Variants in IRAK2 observed in about 807,000 individuals in gnomAD.
The protein encoded by IRAK2 is interleukin 1 receptor associated kinase 2, also known as interleukin-1 receptor-associated kinase-like 2.
A neutral mutation model predicts 72.0 loss-of-function variants in IRAK2; 57 were observed. The ratio of observed to expected loss-of-function variants is 0.79; its 90% CI spans 0.64 to 0.99. The LOEUF (loss-of-function observed/expected upper bound fraction) is 0.99, where lower values mean the gene tolerates loss of function less well. Among genes scored for constraint, IRAK2 ranks in the 50% least tolerant of loss-of-function variants. The pLI is 0.00. For synonymous variants in IRAK2, 293 were observed against 312.7 expected (o/e 0.94, Z 0.67); for missense variants, 790 against 794.4 (o/e 0.99, Z 0.07).
At position 10,178,063 on chromosome 3, in the gene IRAK2, C is replaced by T. The variant is rs1696906121; in HGVS notation, c.277+43C>T. ...CTCCTTGAGTGGGGCCCATCACGCT[C>T]CTGAGCAGTTTCCATCCGTGTGAGT... On this transcript the variant is annotated intron_variant, in intron 2 of 12. Coordinates refer to ENST00000256458, the MANE Select transcript of IRAK2 (RefSeq NM_001570.4). 3 of 1,492,264 alleles carry T rather than the reference C, an allele frequency of 2.0e-6. No homozygotes were observed. The East Asian group carries it at 6.8e-5, about 34-fold the overall frequency. The allele number at this position is 1,492,264 out of a possible 1,614,324, so 92.4% of individuals were successfully genotyped here.
chr3:10,213,656 C>A, intron 6 of IRAK2, 108 bp downstream of exon 6: 1 of 803,640 alleles, frequency 1.2e-6, no homozygotes, highest in Non-Finnish European at 2.1e-6. Context: ...TCATTTAGTC[C>A]TTACAAGAAC....
intron 8 of IRAK2, among the ~76,000 whole-genome samples, chr3:10,222,385 C>T (rs1370447550): frequency 3.9e-5 from 6 of 152,070 alleles, no homozygotes; most frequent in Non-Finnish European, 8.8e-5. Flanking sequence ...ATCAGGGAGG[C>T]TGCACTTTGG....
intron 2 of IRAK2, among the ~76,000 whole-genome samples, chr3:10,182,314 ACT>A (rs1429531119): frequency 9.7e-6 from 1 of 103,110 alleles, no homozygotes; most frequent in African/African-American, 3.8e-5. Context: ...ACAGAGTCTC[ACT>A]CTGTCGCCCA....
In IRAK2 at chr3:10,165,059, C is replaced by T; in HGVS notation, c.94+11C>T. On this transcript the variant is annotated intron_variant, in intron 1 of 12. Coordinates refer to ENST00000256458, the MANE Select transcript of IRAK2 (RefSeq NM_001570.4). Reference sequence around the variant, plus strand: ...ACTGGATGGAGTTCGGTGAGTGCGGCCCGGGGAGGGGAGGGGACCAGGGCG... The same window carrying T: ...ACTGGATGGAGTTCGGTGAGTGCGGTCCGGGGAGGGGAGGGGACCAGGGCG... 1 of 1,605,700 alleles carries T rather than the reference C, an allele frequency of 6.2e-7. No homozygotes were observed. The highest frequency in any genetic ancestry group is 8.5e-7 in the Non-Finnish European group (1 of 1,176,546).
At chr3:10,227,357 A>C (rs1248772661) in intron 10 of IRAK2, among the ~76,000 whole-genome samples, 1 of 152,052 alleles carries the variant, frequency 6.6e-6, no homozygotes. Flanking sequence ...CTGAGGCAGG[A>C]GAATCGCTTG....
At chr3:10,199,974 G>A (rs1032528791) in intron 2 of IRAK2, among the ~76,000 whole-genome samples, 3 of 146,742 alleles carry the variant, frequency 2.0e-5, no homozygotes, top group South Asian at 2.1e-4. Context: ...TGCAAGCTCC[G>A]CCTCCCCGGT....
chr3:10,203,032 T>C (rs1481544052), intron 3 of IRAK2, among the ~76,000 whole-genome samples: 2 of 151,974 alleles, frequency 1.3e-5, no homozygotes, highest in Admixed American at 6.6e-5. Flanking sequence ...ATGGAATCTC[T>C]GTCACCCAGG....
chr3:10,237,929 C>CTG (rs138639711), intron 11 of IRAK2, among the ~76,000 whole-genome samples: 25,773 of 138,118 alleles, frequency 0.19, 2,827 homozygotes, highest in East Asian at 0.51. Flanking sequence ...TATGTGTGCT[C>CTG]TGTGTGTGTG....
intron 2 of IRAK2, among the ~76,000 whole-genome samples, chr3:10,185,922 T>G (rs553000500): frequency 1.3e-5 from 2 of 151,286 alleles, no homozygotes; most frequent in African/African-American, 2.5e-5. Context: ...GAGGTGGCGG[T>G]GGGCACGTGT....
At chr3:10,172,059 A>T (rs1167721760) in intron 1 of IRAK2, among the ~76,000 whole-genome samples, 3 of 151,900 alleles carry the variant, frequency 2.0e-5, no homozygotes, top group Admixed American at 2.0e-4. Flanking sequence ...AACATGGTGA[A>T]ACTCTGTCCC....
intron 8 of IRAK2, among the ~76,000 whole-genome samples, chr3:10,221,552 CA>C (rs1228365823): frequency 7.3e-5 from 11 of 151,222 alleles, no homozygotes; most frequent in South Asian, 4.2e-4. Context: ...CGCGCCTGGC[CA>C]AAAAAAATTT....
chr3:10,215,982 A>G (rs1351700360), intron 6 of IRAK2, among the ~76,000 whole-genome samples: 2 of 152,100 alleles, frequency 1.3e-5, no homozygotes, highest in Non-Finnish European at 1.5e-5. Flanking sequence ...CAGTGGGGAG[A>G]CTGACATGTA....
intron 1 of IRAK2, among the ~76,000 whole-genome samples, chr3:10,174,240 G>A (rs1230591767): frequency 6.6e-6 from 1 of 152,158 alleles, no homozygotes; most frequent in Non-Finnish European, 1.5e-5. Flanking sequence ...GACTAACATA[G>A]CAATTTAGGA....
chr3:10,185,558 CAAAAA>C (rs770606601), intron 2 of IRAK2, among the ~76,000 whole-genome samples: 4 of 70,094 alleles, frequency 5.7e-5, no homozygotes, highest in African/African-American at 1.9e-4. Flanking sequence ...AACTCCGTCT[CAAAAA>C]AAAAAAAAAA....
chr3:10,168,788 A>G (rs1214185120), intron 1 of IRAK2, among the ~76,000 whole-genome samples: 1 of 152,122 alleles, frequency 6.6e-6, no homozygotes, highest in Non-Finnish European at 1.5e-5. Flanking sequence ...CCCCTGCTCC[A>G]GCCACACTGA....
chr3:10,171,030 C>A (rs1696786624), intron 1 of IRAK2, among the ~76,000 whole-genome samples: 1 of 152,250 alleles, frequency 6.6e-6, no homozygotes, highest in South Asian at 2.1e-4. Flanking sequence ...GAAGATCCCG[C>A]AGCCACAGAC....
intron 10 of IRAK2, among the ~76,000 whole-genome samples, chr3:10,233,358 A>G (rs1208440461): frequency 6.6e-6 from 1 of 152,090 alleles, no homozygotes; most frequent in Non-Finnish European, 1.5e-5. Context: ...GGCCTACAAT[A>G]CATGTTTTTA....
chr3:10,219,235 C>G (rs756770350), intron 7 of IRAK2, among the ~76,000 whole-genome samples: 1 of 152,168 alleles, frequency 6.6e-6, no homozygotes, highest in Non-Finnish European at 1.5e-5. Context: ...CAGTATCATG[C>G]TGAGCCCTGT....
intron 1 of IRAK2, among the ~76,000 whole-genome samples, chr3:10,166,681 G>A (rs906210949): frequency 8.5e-5 from 13 of 152,086 alleles, no homozygotes; most frequent in African/African-American, 3.1e-4. Flanking sequence ...GTCTCATTCT[G>A]TGGCCCAGGC....
Sources: gnomAD v4.1 joint callset for allele counts (sites outside exome capture counted in the v4.1 genomes callset) on GRCh38, gnomAD v4.1.1 for gene constraint, MANE v1.5 for transcripts, NCBI Gene and HGNC (gene_info 2026-07-23, HGNC 2026-07-21) for gene names.